CACNA2D4: variants seen among roughly 807,000 people sequenced by gnomAD.
CACNA2D4 encodes calcium voltage-gated channel auxiliary subunit alpha2delta 4.
CACNA2D4 carries 157 observed loss-of-function variants against 163.8 expected under a neutral mutation model. The observed-to-expected ratio is 0.96, with a 90% CI of 0.84 to 1.09. The LOEUF (loss-of-function observed/expected upper bound fraction) is 1.09, where lower values mean the gene tolerates loss of function less well. Ranked by LOEUF, CACNA2D4 falls within the 50% of genes least tolerant of loss-of-function variation. The pLI is 0.00. For synonymous variants in CACNA2D4, 598 were observed against 586.9 expected (o/e 1.02, Z -0.27); for missense variants, 1,410 against 1,479.9 (o/e 0.95, Z 0.78).
At position 1,828,455 on chromosome 12, in the gene CACNA2D4, G is replaced by A. The variant is rs576565380; in HGVS notation, c.2551+12284C>T. On this transcript the variant is annotated intron_variant, in intron 26 of 37. Coordinates refer to ENST00000382722, the MANE Select transcript of CACNA2D4 (RefSeq NM_172364.5). This position sits in a 1 kb window ranked among gnomAD's most constrained non-coding sequence, Gnocchi z 4.2. ...GGTTAGACCTGGAGCTGGAGGCCAC[G>A]ACAGTTGTTCTACCTCCCCCAGGTA... Among the ~76,000 whole-genome samples, 28 of 152,346 alleles carry A rather than the reference G, an allele frequency of 1.8e-4. No individual in the cohort carries two copies. Among genetic ancestry groups the A allele is most frequent in the African/African-American group, 4.1e-4 (17 of 41,582 alleles).
chr12:1,837,547 A>C lies in CACNA2D4; in HGVS notation c.2551+3192T>G, dbSNP rs549950404. Among the ~76,000 whole-genome samples, 3 of 152,166 alleles carry C rather than the reference A, an allele frequency of 2.0e-5. No homozygotes were observed. In the East Asian group the frequency reaches 5.8e-4, roughly 29 times the overall value. Reference sequence around the variant, plus strand: ...CGGCCCGAGAACCCCCTCCTCAGCTATATGGTTCATTAGTCTTCAGAGGCC... The same window carrying C: ...CGGCCCGAGAACCCCCTCCTCAGCTCTATGGTTCATTAGTCTTCAGAGGCC... On this transcript the variant is annotated intron_variant, in intron 26 of 37. Transcript: ENST00000382722.
rs1182868015 is a variant in CACNA2D4, at chr12:1,843,875, G to C, written c.2470+527C>G. On this transcript the variant is annotated intron_variant, in intron 25 of 37. Transcript: ENST00000382722. This position sits in a 1 kb window ranked among gnomAD's most constrained non-coding sequence, Gnocchi z 4.6. ...ACCTGCCTGGCACAGCCTCTCTCTT[G>C]AGCTGAGAGGGGCTTGTGGAGAAGG... Among the ~76,000 whole-genome samples, 1 of 152,104 alleles carries C rather than the reference G, an allele frequency of 6.6e-6. No homozygotes were observed. The highest frequency in any genetic ancestry group is 6.5e-5 in the Admixed American group (1 of 15,280).
chr12:1,909,249 T>C lies in CACNA2D4; in HGVS notation c.486+657A>G, dbSNP rs1373924975. Among the ~76,000 whole-genome samples the C allele has an allele frequency of 2.0e-5, 3 of 152,358 alleles. No individual in the cohort carries two copies. In the East Asian group the frequency reaches 5.8e-4, roughly 29 times the overall value. On this transcript the variant is annotated intron_variant, in intron 4 of 37. Transcript: ENST00000382722. The stretch of plus-strand genomic sequence containing the variant: ...CTCTGTCGCCCAGGCTGGAGTGCAG[T>C]GGCGCGATCTCGGCTCACTGCAAGC...
intron 25 of CACNA2D4, among the ~76,000 whole-genome samples, chr12:1,841,849 A>G (rs1339501027): frequency 1.3e-5 from 2 of 152,208 alleles, no homozygotes; most frequent in Non-Finnish European, 2.9e-5. Flanking sequence ...GCTGTCGTCA[A>G]ATATCTCAAG....
chr12:1,878,337 G>T lies in CACNA2D4; in HGVS notation c.1697C>A (p.Ser566Tyr), dbSNP rs1465468763. ...FLNTNNGYIL[S>Y]HPDLRPLYRE... ...TACCAGGGGCCGGAGGTCGGGATGGGAGAGGATGTAGCCATTGTTGGTGTT... is the reference window on the plus strand; with the variant it reads ...TACCAGGGGCCGGAGGTCGGGATGGTAGAGGATGTAGCCATTGTTGGTGTT... Residue 566 changes from serine to tyrosine, a missense_variant, in exon 16 of 38, where the codon TCC (serine) becomes TAC (tyrosine). Transcript: ENST00000382722. The surrounding 1 kb of genome is among the most constrained non-coding windows in gnomAD (Gnocchi z 4.6). 6.2e-7 allele frequency: 1 copy of T among 1,609,992 alleles called. No individual in the cohort carries two copies. Among genetic ancestry groups the T allele is most frequent in the Non-Finnish European group, 8.5e-7 (1 of 1,178,464 alleles).
At chr12:1,884,722 C>T (rs2154449740) in intron 11 of CACNA2D4, 46 bp downstream of exon 11, 2 of 1,283,858 alleles carry the variant, frequency 1.6e-6, no homozygotes, top group Non-Finnish European at 1.1e-6. Context: ...CCATCCATGG[C>T]AGCAGGAGAA....
rs1863232852 is a variant in CACNA2D4, at chr12:1,799,336, G to A, written c.2995+339C>T. On this transcript the variant is annotated intron_variant, in intron 34 of 37. Transcript: ENST00000382722. This position sits in a 1 kb window ranked among gnomAD's most constrained non-coding sequence, Gnocchi z 4.7. ...GAGTCCCGCTGAGGGCTGGGGTGCC[G>A]CTGTTTGCTTCTCCAAGGGGTGGGC... Among the ~76,000 whole-genome samples, 1 of 152,178 alleles carries A rather than the reference G, an allele frequency of 6.6e-6. No homozygotes were observed. The highest frequency in any genetic ancestry group is 6.5e-5 in the Admixed American group (1 of 15,290).
At chr12:1,814,528 G>C (rs77652909) in intron 26 of CACNA2D4, among the ~76,000 whole-genome samples, 339 of 152,298 alleles carry the variant, frequency 2.2e-3, no homozygotes, top group African/African-American at 8.0e-3. Flanking sequence ...AGTCCAGCTG[G>C]CTTCAGCTCT....
intron 26 of CACNA2D4, among the ~76,000 whole-genome samples, chr12:1,821,417 C>T (rs952228227): frequency 2.6e-5 from 4 of 152,204 alleles, no homozygotes; most frequent in African/African-American, 9.6e-5. Context: ...GCCCACTCAG[C>T]TGTGCATGAA....
In CACNA2D4 at chr12:1,806,476, C is replaced by T. The variant is rs1019872343; in HGVS notation, c.2721+3802G>A. Among the ~76,000 whole-genome samples, 16 of 152,294 alleles carry T rather than the reference C, an allele frequency of 1.1e-4. No homozygotes were observed. The highest frequency in any genetic ancestry group is 7.7e-4 in the East Asian group (4 of 5,188). On this transcript the variant is annotated intron_variant, in intron 29 of 37. Transcript: ENST00000382722. This position sits in a 1 kb window ranked among gnomAD's most constrained non-coding sequence, Gnocchi z 4.1. ...TTGTGGTTTCCCCACTCACTGACTA[C>T]GGGGAGGAGGGTGTGCAAGGACTTT...
chr12:1,833,233 G>A lies in CACNA2D4; in HGVS notation c.2551+7506C>T, dbSNP rs565208798. ...ATGCCTATTGTATGAGGAGACTTGC[G>A]GCAGATGGGCTGCAGAGGGAGCTGC... On this transcript the variant is annotated intron_variant, in intron 26 of 37. Transcript: ENST00000382722. The surrounding 1 kb of genome is among the most constrained non-coding windows in gnomAD (Gnocchi z 4.2). 4.6e-5 allele frequency among the ~76,000 whole-genome samples: 7 copies of A among 152,300 alleles called. No individual in the cohort carries two copies. Among genetic ancestry groups the A allele is most frequent in the African/African-American group, 1.2e-4 (5 of 41,550 alleles).
intron 6 of CACNA2D4, among the ~76,000 whole-genome samples, chr12:1,902,892 A>G (rs1158208411): frequency 6.6e-6 from 1 of 152,128 alleles, no homozygotes; most frequent in African/African-American, 2.4e-5. Context: ...ACCAAAAAAG[A>G]CCCAGAAGAG....
chr12:1,886,099 G>C, intron 8 of CACNA2D4, 60 bp from the exon 9 acceptor site: 2 of 1,550,842 alleles, frequency 1.3e-6, no homozygotes, highest in Non-Finnish European at 1.8e-6. Context: ...AGGTTGCAAA[G>C]TCCAGGCCCA....
chr12:1,801,906 G>C (rs1863346581), intron 29 of CACNA2D4, among the ~76,000 whole-genome samples: 1 of 152,160 alleles, frequency 6.6e-6, no homozygotes, highest in South Asian at 2.1e-4. Flanking sequence ...CCAACGTAGA[G>C]GCTGCAATGT....
rs1335302022 is a variant in CACNA2D4 at position 1,829,691 on chromosome 12, C to T, written c.2551+11048G>A. Among the ~76,000 whole-genome samples, 8 of 148,774 alleles carry T rather than the reference C, an allele frequency of 5.4e-5. No individual in the cohort carries two copies. The highest frequency in any genetic ancestry group is 9.8e-5 in the African/African-American group (4 of 40,790). On this transcript the variant is annotated intron_variant, in intron 26 of 37. Coordinates refer to ENST00000382722, the MANE Select transcript of CACNA2D4 (RefSeq NM_172364.5). This position sits in a 1 kb window ranked among gnomAD's most constrained non-coding sequence, Gnocchi z 4.2. ...TGTTCAGACCCAGCTCACAGCCCAT[C>T]GGCCCACCCCGACCTGGGACAGCCA...
intron 26 of CACNA2D4, chr12:1,831,121 G>A (rs996954850): frequency 2.5e-6 from 4 of 1,613,980 alleles, no homozygotes; most frequent in East Asian, 2.2e-5. Flanking sequence ...GCCCTGCCAA[G>A]CTGGGCTTTC....
rs774155284 is a variant in CACNA2D4, at chr12:1,856,009, C to G, written c.2152+3G>C. ...CTTGCCTCAGTGGGCGGCCAGCACT[C>G]ACACTCCAGGTCTGGGTCCTTCCTG... is the stretch of plus-strand genomic sequence containing the variant. On this transcript the variant is annotated splice_donor_region_variant and intron_variant, in intron 22 of 37. Transcript: ENST00000382722. 1 of 1,612,576 alleles carries G rather than the reference C, an allele frequency of 6.2e-7. No individual in the cohort carries two copies. Among genetic ancestry groups the G allele is most frequent in the South Asian group, 1.1e-5 (1 of 91,034 alleles).
intron 6 of CACNA2D4, among the ~76,000 whole-genome samples, chr12:1,905,802 C>A (rs148950057): frequency 9.8e-4 from 149 of 152,246 alleles, no homozygotes; most frequent in African/African-American, 3.5e-3. Context: ...ATTGCAATCC[C>A]TATTACAATC....
rs537025875 is a variant in CACNA2D4, at chr12:1,861,732, C to T, written c.1879-1526G>A. 1.6e-4 allele frequency among the ~76,000 whole-genome samples: 25 copies of T among 152,292 alleles called. No homozygotes were observed. In the South Asian group the frequency reaches 5.2e-3, roughly 32 times the overall value. ...TGGTGGGATTACAGGCGTGAGCCAC[C>T]ATGCTCGGCCTATCTTTTTTTTTAA... On this transcript the variant is annotated intron_variant, in intron 18 of 37. Transcript: ENST00000382722.
Sources: allele counts gnomAD v4.1 joint callset (sites outside exome capture counted in the v4.1 genomes callset), GRCh38; gene constraint gnomAD v4.1.1; non-coding constraint Gnocchi (gnomAD v3.1); transcripts MANE v1.5; gene names NCBI Gene and HGNC (gene_info 2026-07-23, HGNC 2026-07-21).